NAALADL2: variants seen among roughly 807,000 people sequenced by gnomAD.
The protein encoded by NAALADL2 is inactive N-acetylated-alpha-linked acidic dipeptidase-like protein 2.
In NAALADL2, 76 loss-of-function variants were observed where a neutral mutation model predicts 87.2. The observed-to-expected ratio is 0.87, with a 90% CI of 0.72 to 1.05. NAALADL2 has a LOEUF of 1.05. Ranked by LOEUF, NAALADL2 falls within the 50% of genes least tolerant of loss-of-function variation. The pLI, the probability that NAALADL2 is intolerant of heterozygous loss-of-function variation, is 0.00. For synonymous variants in NAALADL2, 354 were observed against 331.0 expected (o/e 1.07, Z -0.75); for missense variants, 1,089 against 945.8 (o/e 1.15, Z -1.99).
chr3:175,787,032 G>A (rs1001566350), intron 13 of NAALADL2, among the ~76,000 whole-genome samples: 2 of 151,982 alleles, frequency 1.3e-5, no homozygotes, highest in African/African-American at 4.8e-5. Context: ...TTGTTGGTCA[G>A]GGGTCAGGGA....
chr3:175,058,333 A>T (rs1032509430), intron 1 of NAALADL2, among the ~76,000 whole-genome samples: 1 of 152,176 alleles, frequency 6.6e-6, no homozygotes, highest in Non-Finnish European at 1.5e-5. Context: ...AAGTCATTTA[A>T]TTTATTAATT....
At chr3:174,903,772 G>A (rs1225067879) in intron 1 of NAALADL2, among the ~76,000 whole-genome samples, 3 of 151,678 alleles carry the variant, frequency 2.0e-5, no homozygotes, top group Non-Finnish European at 2.9e-5. Context: ...ATATTTGCAC[G>A]GGAAGTTTTC....
intron 4 of NAALADL2, among the ~76,000 whole-genome samples, chr3:175,318,539 T>C (rs1191040663): frequency 6.6e-6 from 1 of 152,144 alleles, no homozygotes; most frequent in Non-Finnish European, 1.5e-5. Flanking sequence ...TACAGAATAC[T>C]GAAAGAAGAT....
In NAALADL2 at chr3:175,698,504, A is replaced by ATATATATATATATAT. The variant is rs1278192087; in HGVS notation, c.1897-38802_1897-38801insTATATATATATATAT. On this transcript the variant is annotated intron_variant, in intron 11 of 13. Transcript: ENST00000454872. ...ATATTTATATATATATATATATATA[A>ATATATATATATATAT]AATCTCCAAGCAAATTCCTATGTAC... Among the ~76,000 whole-genome samples, 72 of 86,990 alleles carry ATATATATATATATAT rather than the reference A, an allele frequency of 8.3e-4. 4 individuals carry two copies. The highest frequency in any genetic ancestry group is 6.1e-3 in the Middle Eastern group (1 of 164). The allele number at this position is 86,990 out of a possible 152,430, so 57.1% of individuals were successfully genotyped here. A position where few individuals can be genotyped will look rare whatever the true frequency, so the allele number is the denominator to read the frequency against.
At chr3:175,083,880 C>A (rs1718356280) in intron 1 of NAALADL2, among the ~76,000 whole-genome samples, 1 of 152,122 alleles carries the variant, frequency 6.6e-6, no homozygotes, top group South Asian at 2.1e-4. Context: ...TGAGCAACTA[C>A]CAGGTTCCAG....
At chr3:174,854,640 C>A (rs1725642138), upstream of NAALADL2, among the ~76,000 whole-genome samples, 1 of 151,536 alleles carries the variant, frequency 6.6e-6, no homozygotes, top group Admixed American at 6.6e-5. Flanking sequence ...ATCACTTTTA[C>A]CACATACATA....
chr3:174,936,112 G>A (rs1290949044), intron 1 of NAALADL2, among the ~76,000 whole-genome samples: 1 of 152,050 alleles, frequency 6.6e-6, no homozygotes, highest in Non-Finnish European at 1.5e-5. Flanking sequence ...CTTAATAACT[G>A]AAATTTCCAT....
intron 1 of NAALADL2, among the ~76,000 whole-genome samples, chr3:175,070,512 A>C (rs921090011): frequency 3.9e-5 from 6 of 152,110 alleles, no homozygotes; most frequent in Non-Finnish European, 7.4e-5. Flanking sequence ...TTGATGAAGT[A>C]AAGTGGCTGG....
chr3:175,506,229 G>T (rs1032002708), intron 9 of NAALADL2, among the ~76,000 whole-genome samples: 28 of 152,302 alleles, frequency 1.8e-4, no homozygotes, highest in African/African-American at 6.5e-4. Context: ...CGGCAGAACT[G>T]CCAGTTTATC....
At chr3:175,068,622 A>C (rs981872845) in intron 1 of NAALADL2, among the ~76,000 whole-genome samples, 5 of 152,114 alleles carry the variant, frequency 3.3e-5, no homozygotes, top group Admixed American at 6.6e-5. Context: ...AGGTCTTGCT[A>C]TCAAGTTCAC....
chr3:175,514,300 T>C (rs935784488), intron 9 of NAALADL2, among the ~76,000 whole-genome samples: 21 of 152,210 alleles, frequency 1.4e-4, no homozygotes, highest in African/African-American at 4.8e-4. Context: ...CAATGAATAT[T>C]ATCACTAATG....
intron 2 of NAALADL2, among the ~76,000 whole-genome samples, chr3:174,668,799 A>C (rs1282062228): frequency 6.6e-6 from 1 of 152,140 alleles, no homozygotes; most frequent in South Asian, 2.1e-4. Context: ...TATGTGCCAC[A>C]TTTTCTTAAT....
At chr3:174,794,468 A>G (rs868004588) in intron 3 of NAALADL2, among the ~76,000 whole-genome samples, 15 of 149,380 alleles carry the variant, frequency 1.0e-4, no homozygotes, top group Middle Eastern at 7.0e-3. Context: ...GAATAAAAGA[A>G]AAAATGTGTA....
chr3:175,473,644 G>A (rs987540552), intron 9 of NAALADL2, among the ~76,000 whole-genome samples: 4 of 150,944 alleles, frequency 2.6e-5, no homozygotes, highest in African/African-American at 9.7e-5. Context: ...AATATATAAA[G>A]GTTTATACAT....
chr3:174,604,958 G>A (rs1718847281), intron 2 of NAALADL2, among the ~76,000 whole-genome samples: 1 of 151,740 alleles, frequency 6.6e-6, no homozygotes, highest in South Asian at 2.1e-4. Context: ...TCACAATATT[G>A]TCCAGGCTGA....
intron 2 of NAALADL2, among the ~76,000 whole-genome samples, chr3:174,720,680 A>G (rs1340791654): frequency 6.6e-6 from 1 of 152,222 alleles, no homozygotes; most frequent in Admixed American, 6.5e-5. Flanking sequence ...AAAAGTGGGC[A>G]TTGGGAATGC....
chr3:175,040,711 T>A (rs982632643), intron 1 of NAALADL2, among the ~76,000 whole-genome samples: 2 of 152,330 alleles, frequency 1.3e-5, no homozygotes, highest in East Asian at 3.9e-4. Context: ...TATGAACTGC[T>A]ATATAAAAAG....
chr3:174,820,771 CAGTT>C (rs1721331674), intron 3 of NAALADL2, among the ~76,000 whole-genome samples: 1 of 151,714 alleles, frequency 6.6e-6, no homozygotes, highest in African/African-American at 2.4e-5. Flanking sequence ...GTGTACCAGT[CAGTT>C]AATTTAATAA....
intron 1 of NAALADL2, among the ~76,000 whole-genome samples, chr3:174,963,248 G>T (rs1742379461): frequency 6.6e-6 from 1 of 151,826 alleles, no homozygotes; most frequent in African/African-American, 2.4e-5. Flanking sequence ...TTTTTAAAAA[G>T]GTACAATGGA....
Sources: allele counts gnomAD v4.1 joint callset (sites outside exome capture counted in the v4.1 genomes callset), GRCh38; gene constraint gnomAD v4.1.1; transcripts MANE v1.5; gene names NCBI Gene and HGNC (gene_info 2026-07-23, HGNC 2026-07-21).